The following CAMTA1 variants were observed in gnomAD, a reference collection of about 807,000 sequenced individuals.
The protein encoded by CAMTA1 is calmodulin-binding transcription activator 1.
In CAMTA1, 27 loss-of-function variants were observed where a neutral mutation model predicts 170.9. The observed-to-expected ratio is 0.16, with a 90% confidence interval of 0.12 to 0.22. CAMTA1 has a LOEUF of 0.22. Among genes scored for constraint, CAMTA1 ranks in the 10% least tolerant of loss-of-function variants. The pLI, the probability that CAMTA1 is intolerant of heterozygous loss-of-function variation, is 1.00. For missense variants in CAMTA1, 1,619 were observed against 2,217.2 expected, an observed-to-expected ratio of 0.73 and a Z score of 5.42; for synonymous variants, 833 against 891.5, an observed-to-expected ratio of 0.93 and a Z score of 1.17.
intron 6 of CAMTA1, among the ~76,000 whole-genome samples, chr1:7,502,188 A>G (rs923693442): frequency 1.3e-5 from 2 of 152,052 alleles, no homozygotes; most frequent in African/African-American, 2.4e-5. Flanking sequence ...GGTGGTCTCC[A>G]CCCCACTCTC....
chr1:7,129,916 CTT>C (rs1491296476), intron 4 of CAMTA1, among the ~76,000 whole-genome samples: 9 of 110,876 alleles, frequency 8.1e-5, no homozygotes, highest in Non-Finnish European at 1.6e-4. Context: ...GATCTACCTT[CTT>C]TTGTGTGTGT....
intron 6 of CAMTA1, among the ~76,000 whole-genome samples, chr1:7,555,237 G>A (rs2094860274): frequency 6.6e-6 from 1 of 152,280 alleles, no homozygotes; most frequent in Non-Finnish European, 1.5e-5. Flanking sequence ...TGACAGCTTC[G>A]ATTGACAGAA....
chr1:7,430,099 T>C (rs2092082365), intron 5 of CAMTA1, among the ~76,000 whole-genome samples: 1 of 152,176 alleles, frequency 6.6e-6, no homozygotes, highest in African/African-American at 2.4e-5. Flanking sequence ...CTGCTGCTAC[T>C]GCTGCTGCTG....
intron 7 of CAMTA1, among the ~76,000 whole-genome samples, chr1:7,655,459 A>G (rs951928991): frequency 2.1e-5 from 3 of 143,148 alleles, no homozygotes; most frequent in Admixed American, 1.4e-4. Context: ...ATACCTATAC[A>G]CAAACACACC....
chr1:7,043,881 G>T (rs1316627436), intron 3 of CAMTA1, among the ~76,000 whole-genome samples: 1 of 152,194 alleles, frequency 6.6e-6, no homozygotes, highest in East Asian at 1.9e-4. Flanking sequence ...CGAGTTGCCG[G>T]AACACAGAGA....
At chr1:7,627,999 C>A (rs17031211) in intron 6 of CAMTA1, among the ~76,000 whole-genome samples, 2 of 151,898 alleles carry the variant, frequency 1.3e-5, no homozygotes, top group Non-Finnish European at 1.5e-5. Context: ...TTTTTAGGAA[C>A]TAAGGCTCAT....
intron 6 of CAMTA1, among the ~76,000 whole-genome samples, chr1:7,551,508 G>A (rs1289608952): frequency 6.6e-6 from 1 of 152,212 alleles, no homozygotes; most frequent in Non-Finnish European, 1.5e-5. Flanking sequence ...CCAGAGAACC[G>A]TGTGTCTTCC....
intron 6 of CAMTA1, among the ~76,000 whole-genome samples, chr1:7,605,921 A>G (rs12079461): frequency 0.18 from 27,096 of 152,124 alleles, 2,932 homozygotes; most frequent in African/African-American, 0.3. Flanking sequence ...CTGACACATC[A>G]CAGAGAGGGA....
At chr1:7,070,041 C>A (rs1246421769) in intron 3 of CAMTA1, among the ~76,000 whole-genome samples, 1 of 152,266 alleles carries the variant, frequency 6.6e-6, no homozygotes, top group South Asian at 2.1e-4. Context: ...GCGGGGCCTC[C>A]GGTGAGCCGC....
In CAMTA1 at chr1:7,663,361, G is replaced by A. The variant is rs201816354; in HGVS notation, c.814G>A (p.Gly272Ser). ...CLCTGSLGAG[G>S]SVHHKCNSAK... ...TGTTCCGATCTCCGCAGGAGCTGGC[G>A]GCAGCGTGCATCACAAGTGTAACAG... Residue 272 changes from glycine (G) to serine (S), a missense_variant, in exon 9 of 23, where the codon GGC becomes AGC. Physicochemically the swap from Gly to Ser is moderately conservative, Grantham distance 56 (BLOSUM62 0). Around this residue, in one of 8 missense-constraint regions of CAMTA1, gnomAD observed 731 missense variants for 907.6 expected, o/e 0.81. Transcript: ENST00000303635. 160 of 1,525,392 alleles carry A rather than the reference G, an allele frequency of 1.0e-4. 1 individual carries two copies. Among genetic ancestry groups the A allele is most frequent in the Non-Finnish European group, 1.3e-4 (142 of 1,134,246 alleles). 94.5% of individuals were successfully genotyped at this position (1,525,392 alleles called of 1,614,324 possible).
intron 5 of CAMTA1, among the ~76,000 whole-genome samples, chr1:7,265,981 G>A (rs1182264424): frequency 1.3e-5 from 2 of 152,242 alleles, no homozygotes; most frequent in African/African-American, 4.8e-5. Flanking sequence ...GAACAACATA[G>A]TGTAAGAAAG....
intron 7 of CAMTA1, among the ~76,000 whole-genome samples, chr1:7,648,158 C>T (rs2095822529): frequency 6.6e-6 from 1 of 152,184 alleles, no homozygotes; most frequent in African/African-American, 2.4e-5. Flanking sequence ...CTTCGGGAGG[C>T]TGAGGCAGGT....
At chr1:7,723,041 G>A (rs547126039) in intron 11 of CAMTA1, among the ~76,000 whole-genome samples, 13 of 152,022 alleles carry the variant, frequency 8.6e-5, no homozygotes, top group Admixed American at 1.3e-4. Context: ...ACATATATAC[G>A]TATATTTCCT....
chr1:6,894,362 T>C (rs993463354), intron 3 of CAMTA1, among the ~76,000 whole-genome samples: 2 of 152,236 alleles, frequency 1.3e-5, no homozygotes, highest in South Asian at 2.1e-4. Flanking sequence ...GAATATTTCA[T>C]GTGGAATTAA....
chr1:7,051,167 A>C (rs1281088192), intron 3 of CAMTA1, among the ~76,000 whole-genome samples: 1 of 152,150 alleles, frequency 6.6e-6, no homozygotes, highest in Non-Finnish European at 1.5e-5. Context: ...GAAGGTTGAT[A>C]CAGCACCTCG....
At chr1:7,631,953 G>A (rs527788301) in intron 6 of CAMTA1, among the ~76,000 whole-genome samples, 1 of 152,312 alleles carries the variant, frequency 6.6e-6, no homozygotes, top group East Asian at 1.9e-4. Context: ...AGGTGGGTGA[G>A]AGGATTTTGC....
chr1:7,067,035 G>A lies in CAMTA1; in HGVS notation c.235-24269G>A, dbSNP rs1054641369. Among the ~76,000 whole-genome samples the A allele has an allele frequency of 2.0e-5, 3 of 152,222 alleles. No homozygotes were observed. The highest frequency in any genetic ancestry group is 2.9e-5 in the Non-Finnish European group (2 of 68,040). On this transcript the variant is annotated intron_variant, in intron 3 of 22. Coordinates refer to ENST00000303635, the MANE Select transcript of CAMTA1 (RefSeq NM_015215.4). This position sits in a 1 kb window ranked among gnomAD's most constrained non-coding sequence, Gnocchi z 4.3. ...CCTGCTGGATGGGCACATAAACTGG[G>A]TGTCATGTTATTAAGATGTGGTGAA... is the stretch of plus-strand genomic sequence containing the variant.
intron 7 of CAMTA1, among the ~76,000 whole-genome samples, chr1:7,655,654 CACACACCTATGCACACACACTGAT>C (rs1374359020): frequency 1.3e-5 from 2 of 151,476 alleles, no homozygotes; most frequent in East Asian, 3.9e-4. Flanking sequence ...ACTACACACC[CACACACCTATGCACACACACTGAT>C]ACACACCTAT....
chr1:7,138,289 GC>G (rs1645658821), intron 4 of CAMTA1, among the ~76,000 whole-genome samples: 2 of 152,144 alleles, frequency 1.3e-5, no homozygotes, highest in South Asian at 4.2e-4. Context: ...ACAGTGCTTG[GC>G]CCATCTTTGT....
Sources: allele counts gnomAD v4.1 joint callset (sites outside exome capture counted in the v4.1 genomes callset), GRCh38; gene constraint gnomAD v4.1.1; regional missense constraint gnomAD v4.1.1; non-coding constraint Gnocchi (gnomAD v3.1); transcripts MANE v1.5; gene names NCBI Gene and HGNC (gene_info 2026-07-23, HGNC 2026-07-21).